TXNL1: variants seen among roughly 807,000 people sequenced by gnomAD.
TXNL1 encodes the protein thioredoxin-like protein 1.
In TXNL1, 14 loss-of-function variants were observed where a neutral mutation model predicts 35.5. The ratio of observed to expected loss-of-function variants is 0.39; its 90% CI spans 0.26 to 0.62. The LOEUF (loss-of-function observed/expected upper bound fraction) is 0.62, where lower values mean the gene tolerates loss of function less well. Ranked by LOEUF, TXNL1 falls within the 20% of genes least tolerant of loss-of-function variation. The pLI, the probability that TXNL1 is intolerant of heterozygous loss-of-function variation, is 0.47. For synonymous variants in TXNL1, 110 were observed against 115.5 expected (o/e 0.95, Z 0.31); for missense variants, 263 against 349.7 (o/e 0.75, Z 1.98).
intron 3 of TXNL1, among the ~76,000 whole-genome samples, chr18:56,619,828 G>C (rs1382223907): frequency 6.6e-6 from 1 of 151,936 alleles, no homozygotes; most frequent in Admixed American, 6.6e-5. Flanking sequence ...GAATAAAGGG[G>C]TATTTAAATT....
At chr18:56,611,456 C>G (rs2023989861) in intron 6 of TXNL1, among the ~76,000 whole-genome samples, 1 of 149,518 alleles carries the variant, frequency 6.7e-6, no homozygotes, top group Admixed American at 6.7e-5. Flanking sequence ...GAGCTGAGAT[C>G]GTGCCACTGC....
At chr18:56,611,416 C>T (rs188139524) in intron 6 of TXNL1, among the ~76,000 whole-genome samples, 5 of 151,288 alleles carry the variant, frequency 3.3e-5, no homozygotes, top group East Asian at 4.0e-4. Flanking sequence ...GCAGGAGAAT[C>T]GCTTGAATCC....
chr18:56,638,431 C>G lies in TXNL1; in HGVS notation c.10G>C (p.Val4Leu), dbSNP rs1377837320. 6.2e-7 allele frequency: 1 copy of G among 1,612,706 alleles called. No individual in the cohort carries two copies. Among genetic ancestry groups the G allele is most frequent in the African/African-American group, 1.3e-5 (1 of 75,054 alleles). The change falls in exon 1 of 8, where the codon GTG (valine) becomes CTG (leucine). Residue 4 changes from valine to leucine, a missense_variant. Val to Leu is a conservative substitution (Grantham distance 32). Coordinates refer to ENST00000217515, the MANE Select transcript of TXNL1 (RefSeq NM_004786.3). ...TCCGGGTCGCTCCCGACGGGCTTCA[C>G]CCCCACCATCCTCACAGAGAGCCCG... MVGVKPVGSDPDFQ... is the reference protein window; with the variant it reads MVGLKPVGSDPDFQ...
intron 3 of TXNL1, among the ~76,000 whole-genome samples, chr18:56,623,277 A>C (rs8094044): frequency 0.088 from 13,390 of 152,068 alleles, 1,384 homozygotes; most frequent in African/African-American, 0.25. Context: ...AAAATACAAA[A>C]ATTAGCTGGG....
intron 4 of TXNL1, 35 bp downstream of exon 4, chr18:56,617,969 T>A: frequency 6.2e-7 from 1 of 1,610,704 alleles, no homozygotes; most frequent in Non-Finnish European, 8.5e-7. Flanking sequence ...TAAATAGTGA[T>A]AATCTCCACA....
Position 56,597,820 on chromosome 18 carries a change from T to C in TXNL1, c.*5207A>G, listed in dbSNP as rs2023762418. 1 of 152,228 alleles carries C rather than the reference T, an allele frequency of 6.6e-6. No homozygotes were observed. Among genetic ancestry groups the C allele is most frequent in the African/African-American group, 2.4e-5 (1 of 41,450 alleles). 9.4% of individuals were successfully genotyped at this position (152,228 alleles called of 1,614,324 possible). A position where few individuals can be genotyped will look rare whatever the true frequency, so the allele number is the denominator to read the frequency against. ...CGCCACCCAAATACCAAAAATGCAA[T>C]TTAAGGCAATGTACCCAAAACCATA... On this transcript the variant is annotated 3_prime_UTR_variant, in exon 8 of 8. Coordinates refer to ENST00000217515, the MANE Select transcript of TXNL1 (RefSeq NM_004786.3).
chr18:56,617,277 C>T (rs1455880417), intron 4 of TXNL1, among the ~76,000 whole-genome samples: 6 of 152,094 alleles, frequency 3.9e-5, no homozygotes, highest in Non-Finnish European at 7.4e-5. Flanking sequence ...AAATAATAAG[C>T]ATGACATTAT....
chr18:56,637,220 C>T (rs1353952998), intron 1 of TXNL1, among the ~76,000 whole-genome samples: 2 of 152,168 alleles, frequency 1.3e-5, no homozygotes, highest in Non-Finnish European at 2.9e-5. Flanking sequence ...CATTTATATA[C>T]TCAACATTTA....
At chr18:56,609,214 C>T (rs1195183571) in intron 7 of TXNL1, 2 of 152,050 alleles carry the variant, frequency 1.3e-5, no homozygotes, top group Non-Finnish European at 2.9e-5. Context: ...TTGAGAACTG[C>T]TATCATATGG....
In TXNL1 at chr18:56,603,020, T is replaced by C. The variant is rs1289642240; in HGVS notation, c.*7A>G. The C allele has an allele frequency of 1.2e-6, 2 of 1,613,764 alleles. No individual in the cohort carries two copies. The highest frequency in any genetic ancestry group is 2.2e-5 in the East Asian group (1 of 44,842). On this transcript the variant is annotated 3_prime_UTR_variant, in exon 8 of 8. Transcript: ENST00000217515. ...TTGCAATATGGTTGTCCAGTGTCTT[T>C]TGTACCTTAGTGGCTTTCTCCTTTT...
chr18:56,626,017 C>A (rs2024272417), intron 2 of TXNL1: 1 of 198,978 alleles, frequency 5.0e-6, no homozygotes, highest in Non-Finnish European at 9.5e-6. Context: ...GAACTCCTTG[C>A]CACTGCTATA....
At chr18:56,633,691 G>C (rs1217798435) in intron 1 of TXNL1, among the ~76,000 whole-genome samples, 1 of 150,014 alleles carries the variant, frequency 6.7e-6, no homozygotes, top group Non-Finnish European at 1.5e-5. Context: ...ATCAATTCAA[G>C]ATAAAAACCA....
At chr18:56,626,859 C>T (rs1194913145) in intron 1 of TXNL1, among the ~76,000 whole-genome samples, 1 of 126,568 alleles carries the variant, frequency 7.9e-6, no homozygotes, top group Non-Finnish European at 1.6e-5. Flanking sequence ...GGCCAGAGTA[C>T]AGTGGCATGA....
At chr18:56,637,244 T>C (rs1413715457) in intron 1 of TXNL1, among the ~76,000 whole-genome samples, 5 of 152,310 alleles carry the variant, frequency 3.3e-5, no homozygotes, top group African/African-American at 1.2e-4. Flanking sequence ...AACCATCTAG[T>C]AGAAACTTTG....
intron 7 of TXNL1, 53 bp from the exon 8 acceptor site, chr18:56,603,109 G>T: frequency 6.9e-7 from 1 of 1,441,130 alleles, no homozygotes; most frequent in Non-Finnish European, 9.7e-7. Flanking sequence ...TTAAATATGA[G>T]TTATTAAAAA....
chr18:56,627,322 C>A (rs2024302045), intron 1 of TXNL1, among the ~76,000 whole-genome samples: 1 of 152,086 alleles, frequency 6.6e-6, no homozygotes. Context: ...TGCCAAGATA[C>A]CAATTTTACT....
chr18:56,618,836 C>T (rs1390859423), intron 3 of TXNL1, among the ~76,000 whole-genome samples: 1 of 152,068 alleles, frequency 6.6e-6, no homozygotes, highest in Non-Finnish European at 1.5e-5. Flanking sequence ...CAAATTTCCT[C>T]CACTGTCTCA....
At chr18:56,626,525 A>C in intron 1 of TXNL1, 68 bp from the exon 2 acceptor site, 2 of 1,346,670 alleles carry the variant, frequency 1.5e-6, no homozygotes. Flanking sequence ...CGTCAATTAA[A>C]CATAAAATAG....
chr18:56,603,274 TCACA>T (rs57320184), intron 7 of TXNL1, among the ~76,000 whole-genome samples: 2 of 149,810 alleles, frequency 1.3e-5, no homozygotes, highest in East Asian at 2.0e-4. Flanking sequence ...ATTTTTGGTT[TCACA>T]CAGTTTTTTT....
Sources: allele counts gnomAD v4.1 joint callset (sites outside exome capture counted in the v4.1 genomes callset), GRCh38; gene constraint gnomAD v4.1.1; transcripts MANE v1.5; gene names NCBI Gene and HGNC (gene_info 2026-07-23, HGNC 2026-07-21).